Variants in GAB2 observed in about 807,000 individuals in gnomAD.
GAB2 encodes GRB2-associated-binding protein 2.
A neutral mutation model predicts 65.5 loss-of-function variants in GAB2; 26 were observed. The observed-to-expected ratio is 0.40, with a 90% CI of 0.29 to 0.55. The LOEUF (loss-of-function observed/expected upper bound fraction) is 0.55, where lower values mean the gene tolerates loss of function less well. Ranked by LOEUF, GAB2 falls within the 20% of genes least tolerant of loss-of-function variation. The pLI, the probability that GAB2 is intolerant of heterozygous loss-of-function variation, is 0.53. For synonymous variants in GAB2, 321 were observed against 329.6 expected (o/e 0.97, Z 0.28); for missense variants, 884 against 875.8 (o/e 1.01, Z -0.12).
At chr11:78,414,997 G>C (rs1215262944) in intron 1 of GAB2, among the ~76,000 whole-genome samples, 1 of 152,080 alleles carries the variant, frequency 6.6e-6, no homozygotes, top group Non-Finnish European at 1.5e-5. Context: ...TCAGCCTCCT[G>C]AGTAGCTGGG....
chr11:78,416,882 G>C (rs1052429966), intron 1 of GAB2, among the ~76,000 whole-genome samples: 2 of 151,822 alleles, frequency 1.3e-5, no homozygotes, highest in Non-Finnish European at 1.5e-5. Context: ...GGCTGTTCCA[G>C]CGATCTCAGT....
intron 1 of GAB2, among the ~76,000 whole-genome samples, chr11:78,395,678 T>G (rs1004394430): frequency 6.6e-6 from 1 of 152,226 alleles, no homozygotes; most frequent in Non-Finnish European, 1.5e-5. Context: ...GAGTTCTGAC[T>G]GGAGAAAAAC....
chr11:78,311,078 T>C (rs1296167313), intron 1 of GAB2, among the ~76,000 whole-genome samples: 2 of 152,180 alleles, frequency 1.3e-5, no homozygotes, highest in African/African-American at 4.8e-5. Context: ...GATGGGACAG[T>C]TCTCAGATCA....
At chr11:78,320,992 G>C (rs971852053) in intron 1 of GAB2, among the ~76,000 whole-genome samples, 5 of 152,152 alleles carry the variant, frequency 3.3e-5, no homozygotes, top group Non-Finnish European at 4.4e-5. Context: ...GTCACTGCTG[G>C]AATGTGGGGG....
rs556258941 is a variant in GAB2 at position 78,405,481 on chromosome 11, C to A, written c.75+12165G>T. 6.1e-4 allele frequency among the ~76,000 whole-genome samples: 93 copies of A among 152,218 alleles called. 1 individual carries two copies. The highest frequency in any genetic ancestry group is 4.8e-3 in the South Asian group (23 of 4,812). ...ATATGTGTGGCACTTAAGCTCTGTGCTCAGTTTCTCCTCTGGTAACATGGG... is the reference window on the plus strand; with the variant it reads ...ATATGTGTGGCACTTAAGCTCTGTGATCAGTTTCTCCTCTGGTAACATGGG... On this transcript the variant is annotated intron_variant, in intron 1 of 9. Coordinates refer to ENST00000361507, the MANE Select transcript of GAB2 (RefSeq NM_080491.3).
chr11:78,405,690 C>T (rs1857034418), intron 1 of GAB2, among the ~76,000 whole-genome samples: 1 of 152,124 alleles, frequency 6.6e-6, no homozygotes, highest in Non-Finnish European at 1.5e-5. Flanking sequence ...TAAGAAGAAT[C>T]TAAAAGGTGA....
chr11:78,227,739 A>G (rs1049131485), intron 3 of GAB2, among the ~76,000 whole-genome samples: 1 of 152,058 alleles, frequency 6.6e-6, no homozygotes, highest in South Asian at 2.1e-4. Flanking sequence ...GTTCGAAGTT[A>G]GAGTGAGCTA....
At chr11:78,224,827 G>A (rs1165566163) in intron 5 of GAB2, among the ~76,000 whole-genome samples, 5 of 152,090 alleles carry the variant, frequency 3.3e-5, no homozygotes, top group Non-Finnish European at 5.9e-5. Flanking sequence ...CCCCCACCGT[G>A]CAGCCTGGGT....
chr11:78,351,161 C>T (rs1247061272), intron 1 of GAB2, among the ~76,000 whole-genome samples: 1 of 152,154 alleles, frequency 6.6e-6, no homozygotes, highest in Non-Finnish European at 1.5e-5. Context: ...GACTACACTT[C>T]TGTTTCACAT....
chr11:78,337,084 T>C (rs1016785783), intron 1 of GAB2, among the ~76,000 whole-genome samples: 1 of 152,222 alleles, frequency 6.6e-6, no homozygotes, highest in African/African-American at 2.4e-5. Flanking sequence ...TCAAAGAACC[T>C]TGGACTGGGC....
At chr11:78,289,684 C>A (rs185225658) in intron 1 of GAB2, among the ~76,000 whole-genome samples, 70 of 152,086 alleles carry the variant, frequency 4.6e-4, no homozygotes, top group Non-Finnish European at 1.3e-4. Flanking sequence ...AGCAGGGAAT[C>A]AAACTTTCAG....
intron 2 of GAB2, among the ~76,000 whole-genome samples, chr11:78,255,606 A>C (rs1433378873): frequency 3.9e-5 from 6 of 152,154 alleles, no homozygotes; most frequent in Admixed American, 2.0e-4. Context: ...GGTTCCGGGG[A>C]GGTGCTACCT....
At chr11:78,266,893 C>T (rs1865888485) in intron 2 of GAB2, among the ~76,000 whole-genome samples, 1 of 152,200 alleles carries the variant, frequency 6.6e-6, no homozygotes, top group Admixed American at 6.5e-5. Flanking sequence ...AATACGTGAA[C>T]ACAGAAACAG....
rs11445907 is a variant in GAB2 at position 78,266,214 on chromosome 11, CAAA to C, written c.376+14384_376+14386del. ...TGGGTGACAGAGCGAGACTCCATCT[CAAA>C]AAAAAAAAAAAAAAAAAAAAATCAT... On this transcript the variant is annotated intron_variant, in intron 2 of 9. Coordinates refer to ENST00000361507, the MANE Select transcript of GAB2 (RefSeq NM_080491.3). Among the ~76,000 whole-genome samples, 33 of 65,050 alleles carry C rather than the reference CAAA, an allele frequency of 5.1e-4. 1 individual carries two copies. The highest frequency in any genetic ancestry group is 1.9e-3 in the African/African-American group (32 of 16,502). The allele number at this position is 65,050 out of a possible 152,430, so 42.7% of individuals were successfully genotyped here.
chr11:78,377,072 T>C (rs1437554389), intron 1 of GAB2, among the ~76,000 whole-genome samples: 2 of 152,260 alleles, frequency 1.3e-5, no homozygotes, highest in African/African-American at 2.4e-5. Context: ...GAAAGCTCCC[T>C]GAGGCTTCAC....
chr11:78,346,597 G>A (rs1267427181), intron 1 of GAB2, among the ~76,000 whole-genome samples: 1 of 147,416 alleles, frequency 6.8e-6, no homozygotes, highest in Non-Finnish European at 1.5e-5. Context: ...GAAGAGAAGA[G>A]AAAGGAGAAT....
chr11:78,319,668 G>C (rs1389445736), intron 1 of GAB2, among the ~76,000 whole-genome samples: 1 of 152,122 alleles, frequency 6.6e-6, no homozygotes, highest in East Asian at 1.9e-4. Flanking sequence ...ATCATACTTA[G>C]CAGAGAGCCA....
intron 1 of GAB2, among the ~76,000 whole-genome samples, chr11:78,322,481 G>A (rs912521379): frequency 6.6e-6 from 1 of 151,684 alleles, no homozygotes; most frequent in Non-Finnish European, 1.5e-5. Context: ...TGAAGAGCTT[G>A]TACACAGCAA....
chr11:78,300,192 C>T (rs1169483915), intron 1 of GAB2, among the ~76,000 whole-genome samples: 4 of 152,010 alleles, frequency 2.6e-5, no homozygotes, highest in Non-Finnish European at 4.4e-5. Flanking sequence ...TAGAACATCA[C>T]AAAAAATGGA....
Sources: allele counts gnomAD v4.1 joint callset (sites outside exome capture counted in the v4.1 genomes callset), GRCh38; gene constraint gnomAD v4.1.1; transcripts MANE v1.5; gene names NCBI Gene and HGNC (gene_info 2026-07-23, HGNC 2026-07-21).